The following CFAP20DC variants were observed in gnomAD, a reference collection of about 807,000 sequenced individuals.
CFAP20DC encodes protein CFAP20DC.
Under a neutral mutation model 101.7 loss-of-function variants are expected in CFAP20DC, and 84 were observed. The observed-to-expected ratio is 0.83, with a 90% CI of 0.69 to 0.99. CFAP20DC has a LOEUF of 0.99. Ranked by LOEUF, CFAP20DC falls within the 50% of genes least tolerant of loss-of-function variation. CFAP20DC has a pLI of 0.00. For missense variants in CFAP20DC, 1,007 were observed against 970.3 expected, an observed-to-expected ratio of 1.04 and a Z score of -0.50; for synonymous variants, 359 against 351.2, an observed-to-expected ratio of 1.02 and a Z score of -0.25.
intron 5 of CFAP20DC, among the ~76,000 whole-genome samples, chr3:58,930,979 C>A (rs572532355): frequency 4.5e-4 from 68 of 152,132 alleles, no homozygotes; most frequent in African/African-American, 1.5e-3. Flanking sequence ...TTGCCTCACT[C>A]GGGAAGCACA....
At chr3:58,842,003 C>A (rs565488127) in intron 13 of CFAP20DC, among the ~76,000 whole-genome samples, 1 of 152,086 alleles carries the variant, frequency 6.6e-6, no homozygotes, top group African/African-American at 2.4e-5. Context: ...GCAATATTAC[C>A]CAGAGGGTTG....
chr3:58,810,638 T>G (rs1006696441), intron 14 of CFAP20DC, among the ~76,000 whole-genome samples: 4 of 148,458 alleles, frequency 2.7e-5, no homozygotes, highest in Non-Finnish European at 5.9e-5. Context: ...CTTTGAAAAC[T>G]GGCACAAGAC....
chr3:58,743,121 T>C (rs1038985710), intron 16 of CFAP20DC, among the ~76,000 whole-genome samples: 2 of 152,196 alleles, frequency 1.3e-5, no homozygotes, highest in African/African-American at 4.8e-5. Flanking sequence ...GTAGTTTTAT[T>C]AGTGGTGGCG....
chr3:58,774,592 A>T (rs976276069), intron 15 of CFAP20DC, among the ~76,000 whole-genome samples: 10 of 152,234 alleles, frequency 6.6e-5, no homozygotes, highest in African/African-American at 2.4e-4. Flanking sequence ...TTCTCAGTTT[A>T]GTGTCATCCT....
intron 14 of CFAP20DC, among the ~76,000 whole-genome samples, chr3:58,826,817 T>C (rs539219143): frequency 5.3e-5 from 8 of 152,152 alleles, no homozygotes; most frequent in Non-Finnish European, 1.0e-4. Context: ...GTAACAGTGG[T>C]TGGCTAATGT....
chr3:58,850,797 C>A (rs2078162132), intron 12 of CFAP20DC, among the ~76,000 whole-genome samples: 1 of 152,132 alleles, frequency 6.6e-6, no homozygotes, highest in Non-Finnish European at 1.5e-5. Flanking sequence ...TTTATAGACA[C>A]ACAGAACCCA....
rs1007071745 is a variant in CFAP20DC at position 59,007,062 on chromosome 3, T to C, written c.278+32495A>G. On this transcript the variant is annotated intron_variant, in intron 4 of 16. Coordinates refer to ENST00000482387, the MANE Select transcript of CFAP20DC (RefSeq NM_001394063.1). The surrounding 1 kb of genome is among the most constrained non-coding windows in gnomAD (Gnocchi z 4.4). ...TGTGGAGCTGGGTGAGGCCTTTTGC[T>C]ACTGGATGTCACCCACTTCCCTGGC... Among the ~76,000 whole-genome samples, 5 of 151,658 alleles carry C rather than the reference T, an allele frequency of 3.3e-5. No homozygotes were observed. The highest frequency in any genetic ancestry group is 9.7e-5 in the African/African-American group (4 of 41,268).
At chr3:58,867,103 G>A (rs940593644) in intron 10 of CFAP20DC, among the ~76,000 whole-genome samples, 1 of 152,018 alleles carries the variant, frequency 6.6e-6, no homozygotes, top group African/African-American at 2.4e-5. Flanking sequence ...GGATCTTAAG[G>A]CATTATTGCA....
chr3:59,040,298 C>T (rs1286345567), intron 3 of CFAP20DC, among the ~76,000 whole-genome samples: 3 of 151,976 alleles, frequency 2.0e-5, no homozygotes, highest in Non-Finnish European at 4.4e-5. Context: ...AGAAACCAGT[C>T]CCTACAGCAT....
intron 5 of CFAP20DC, among the ~76,000 whole-genome samples, chr3:58,926,504 A>C (rs984913047): frequency 6.6e-6 from 1 of 152,238 alleles, no homozygotes; most frequent in African/African-American, 2.4e-5. Context: ...TCATTAAGAC[A>C]CATTCTCTAA....
At position 59,006,284 on chromosome 3, in the gene CFAP20DC, G is replaced by T. The variant is rs1214855519; in HGVS notation, c.278+33273C>A. On this transcript the variant is annotated intron_variant, in intron 4 of 16. Transcript: ENST00000482387. This position sits in a 1 kb window ranked among gnomAD's most constrained non-coding sequence, Gnocchi z 4.3. The stretch of plus-strand genomic sequence containing the variant: ...GTTAAAAAGCCATCAGAAGGAGATG[G>T]GAGGAAGATGGTGCCCAGGAGGCAG... 6.6e-6 allele frequency among the ~76,000 whole-genome samples: 1 copy of T among 152,120 alleles called. No homozygotes were observed. The highest frequency in any genetic ancestry group is 6.5e-5 in the Admixed American group (1 of 15,268).
rs565631256 is a variant in CFAP20DC at position 58,999,174 on chromosome 3, T to C, written c.278+40383A>G. Among the ~76,000 whole-genome samples, 78 of 152,340 alleles carry C rather than the reference T, an allele frequency of 5.1e-4. 1 individual carries two copies. Among genetic ancestry groups the C allele is most frequent in the African/African-American group, 1.8e-3 (76 of 41,586 alleles). On this transcript the variant is annotated intron_variant, in intron 4 of 16. Transcript: ENST00000482387. ...TAAGTATGGTAAGAGTGGATGTTAT[T>C]GTGAACACACAGATTATGGGAGACT...
chr3:58,841,105 C>A (rs1486581795), intron 13 of CFAP20DC, among the ~76,000 whole-genome samples: 1 of 152,190 alleles, frequency 6.6e-6, no homozygotes, highest in African/African-American at 2.4e-5. Flanking sequence ...GTAGAAACTG[C>A]CAAAGGAGGG....
chr3:58,767,292 A>G (rs1228246431), intron 15 of CFAP20DC, among the ~76,000 whole-genome samples: 1 of 152,134 alleles, frequency 6.6e-6, no homozygotes, highest in African/African-American at 2.4e-5. Context: ...CCATGTATTC[A>G]ATATACACAC....
In CFAP20DC at chr3:58,717,668, A is replaced by AG. The variant is rs374988519; in HGVS notation, c.198-41dup. 1 of 426,250 alleles carries AG rather than the reference A, an allele frequency of 2.3e-6. No individual in the cohort carries two copies. Among genetic ancestry groups the AG allele is most frequent in the South Asian group, 1.7e-5 (1 of 58,214 alleles). The allele number at this position is 426,250 out of a possible 1,614,324, so 26.4% of individuals were successfully genotyped here. On this transcript the variant is annotated intron_variant, in intron 3 of 3. Transcript: ENST00000486145. This position sits in a 1 kb window ranked among gnomAD's most constrained non-coding sequence, Gnocchi z 4.1. ...GGAGAAGAGAGAAGAAAAAAAAAAA[A>AG]GAAAAAAGGTACATGCCTTTTATTC...
At chr3:58,934,677 G>A (rs1012694175) in intron 5 of CFAP20DC, among the ~76,000 whole-genome samples, 6 of 152,262 alleles carry the variant, frequency 3.9e-5, no homozygotes, top group African/African-American at 1.2e-4. Context: ...AAAACCACAT[G>A]ATTATTTCAA....
Position 58,882,658 on chromosome 3 carries a change from T to C in CFAP20DC, c.715+1887A>G, listed in dbSNP as rs2081309988. Among the ~76,000 whole-genome samples the C allele has an allele frequency of 6.6e-6, 1 of 151,976 alleles. No homozygotes were observed. Among genetic ancestry groups the C allele is most frequent in the African/African-American group, 2.4e-5 (1 of 41,228 alleles). ...TAGCTGTCTGGGTAGTCAGATCTTT[T>C]TAATCCTTTTATGTATTTATTTTCT... On this transcript the variant is annotated intron_variant, in intron 7 of 16. Coordinates refer to ENST00000482387, the MANE Select transcript of CFAP20DC (RefSeq NM_001394063.1). The surrounding 1 kb of genome is among the most constrained non-coding windows in gnomAD (Gnocchi z 4.2).
chr3:59,047,708 T>A (rs1045655865), intron 1 of CFAP20DC, among the ~76,000 whole-genome samples: 2 of 152,194 alleles, frequency 1.3e-5, no homozygotes, highest in African/African-American at 4.8e-5. Context: ...CAACACTGGC[T>A]TTTTAACTAT....
chr3:59,040,378 A>T (rs1043893992), intron 3 of CFAP20DC, among the ~76,000 whole-genome samples: 1 of 152,078 alleles, frequency 6.6e-6, no homozygotes, highest in Non-Finnish European at 1.5e-5. Flanking sequence ...AGATCTGTTC[A>T]CTTAATGCCT....
Sources: allele counts gnomAD v4.1 joint callset (sites outside exome capture counted in the v4.1 genomes callset), GRCh38; gene constraint gnomAD v4.1.1; non-coding constraint Gnocchi (gnomAD v3.1); transcripts MANE v1.5; gene names NCBI Gene and HGNC (gene_info 2026-07-23, HGNC 2026-07-21).